CTNNA3: variants seen among roughly 807,000 people sequenced by gnomAD.
CTNNA3 encodes the protein catenin alpha 3, also known as catenin alpha-3.
Under a neutral mutation model 95.7 loss-of-function variants are expected in CTNNA3, and 76 were observed. The ratio of observed to expected loss-of-function variants is 0.79; its 90% CI spans 0.66 to 0.96. CTNNA3 has a LOEUF of 0.96. Among genes scored for constraint, CTNNA3 ranks in the 40% least tolerant of loss-of-function variants. CTNNA3 has a pLI of 0.00. For missense variants in CTNNA3, 1,191 were observed against 1,089.8 expected (o/e 1.09, Z -1.31); for synonymous variants, 431 against 374.4 (o/e 1.15, Z -1.74).
intron 7 of CTNNA3, among the ~76,000 whole-genome samples, chr10:66,875,076 G>A (rs184001754): frequency 9.9e-5 from 15 of 152,282 alleles, no homozygotes; most frequent in Admixed American, 9.8e-4. Flanking sequence ...ATCAGCAATC[G>A]ATTGCTAGAC....
chr10:67,663,409 G>C lies in CTNNA3; in HGVS notation c.-5-15891C>G, dbSNP rs890773557. 2.0e-5 allele frequency among the ~76,000 whole-genome samples: 3 copies of C among 151,628 alleles called. No homozygotes were observed. The South Asian group carries it at 6.3e-4, about 32-fold the overall frequency. ...AAAAAAAAAGCAATTGAATTGTTTT[G>C]TAGCTGGAGGCATGGGCAAGTGCGG... On this transcript the variant is annotated intron_variant, in intron 1 of 17. Transcript: ENST00000433211.
At chr10:66,206,862 C>T (rs1467732263) in intron 13 of CTNNA3, among the ~76,000 whole-genome samples, 1 of 151,882 alleles carries the variant, frequency 6.6e-6, no homozygotes, top group Non-Finnish European at 1.5e-5. Flanking sequence ...CTGCCTACCT[C>T]AACAGCCTGC....
intron 5 of CTNNA3, among the ~76,000 whole-genome samples, chr10:67,291,516 G>T (rs1839837382): frequency 6.6e-6 from 1 of 152,110 alleles, no homozygotes; most frequent in African/African-American, 2.4e-5. Flanking sequence ...TTTATTTTAA[G>T]TTCATCTTTT....
chr10:66,836,762 A>G (rs1842900570), intron 7 of CTNNA3, among the ~76,000 whole-genome samples: 1 of 152,180 alleles, frequency 6.6e-6, no homozygotes, highest in African/African-American at 2.4e-5. Flanking sequence ...AAAAGATGAA[A>G]GGAAAAAAAC....
At chr10:67,186,986 A>T (rs1319131863) in intron 6 of CTNNA3, among the ~76,000 whole-genome samples, 2 of 152,160 alleles carry the variant, frequency 1.3e-5, no homozygotes, top group African/African-American at 4.8e-5. Flanking sequence ...CATAGCTATA[A>T]ACAAATATAT....
At chr10:66,551,277 T>G (rs1181150799) in intron 10 of CTNNA3, among the ~76,000 whole-genome samples, 3 of 152,268 alleles carry the variant, frequency 2.0e-5, no homozygotes, top group Admixed American at 6.5e-5. Context: ...AAATGTTGTT[T>G]CCCTGTCTTC....
chr10:66,921,038 A>G (rs1846759031), intron 7 of CTNNA3, among the ~76,000 whole-genome samples: 1 of 152,224 alleles, frequency 6.6e-6, no homozygotes, highest in South Asian at 2.1e-4. Context: ...AAAATACTAT[A>G]TCCTGGGTGG....
At chr10:67,422,992 T>A (rs183492834) in intron 5 of CTNNA3, among the ~76,000 whole-genome samples, 2 of 152,312 alleles carry the variant, frequency 1.3e-5, no homozygotes. Context: ...TGATTTCCAA[T>A]ATACTCTTAG....
chr10:66,569,044 G>A (rs1244661881), intron 10 of CTNNA3, among the ~76,000 whole-genome samples: 1 of 151,994 alleles, frequency 6.6e-6, no homozygotes, highest in Non-Finnish European at 1.5e-5. Flanking sequence ...ATAAACTGTG[G>A]CTTTGTCAGG....
At chr10:66,223,779 G>T (rs927430172) in intron 13 of CTNNA3, among the ~76,000 whole-genome samples, 2 of 152,124 alleles carry the variant, frequency 1.3e-5, no homozygotes, top group Non-Finnish European at 2.9e-5. Context: ...TATTCTTTCT[G>T]GTTGTGTCTT....
At chr10:67,241,640 G>T (rs1348414469) in intron 5 of CTNNA3, among the ~76,000 whole-genome samples, 1 of 152,104 alleles carries the variant, frequency 6.6e-6, no homozygotes. Flanking sequence ...ATCAAATAGG[G>T]TCCAAAGCCC....
rs142053346 is a variant in CTNNA3 at position 67,614,116 on chromosome 10, G to A, written c.100-7067C>T. ...AGCTTTTATTCCCTTATTTGTCCCCGCCCATGTCCTGCTGATTGGTCCATT... is the reference window on the plus strand; with the variant it reads ...AGCTTTTATTCCCTTATTTGTCCCCACCCATGTCCTGCTGATTGGTCCATT... On this transcript the variant is annotated intron_variant, in intron 2 of 17. Coordinates refer to ENST00000433211, the MANE Select transcript of CTNNA3 (RefSeq NM_013266.4). Among the ~76,000 whole-genome samples, 70 of 152,190 alleles carry A rather than the reference G, an allele frequency of 4.6e-4. No individual in the cohort carries two copies. In the South Asian group the frequency reaches 7.1e-3, roughly 15 times the overall value.
At chr10:66,300,207 T>A (rs2091841207) in intron 12 of CTNNA3, among the ~76,000 whole-genome samples, 1 of 151,996 alleles carries the variant, frequency 6.6e-6, no homozygotes, top group Admixed American at 6.6e-5. Context: ...TGAGGAAAAA[T>A]TTTTTAAAAT....
chr10:66,516,332 C>CACTCAGTAT (rs1169717783), intron 11 of CTNNA3, among the ~76,000 whole-genome samples: 4 of 152,070 alleles, frequency 2.6e-5, no homozygotes, highest in Non-Finnish European at 5.9e-5. Context: ...CAGTGGAAAC[C>CACTCAGTAT]ACTCAGTATT....
chr10:66,011,087 C>T (rs544196726), intron 15 of CTNNA3, among the ~76,000 whole-genome samples: 1 of 152,314 alleles, frequency 6.6e-6, no homozygotes, highest in African/African-American at 2.4e-5. Flanking sequence ...AATCCTACCT[C>T]ATCCCTCACT....
At chr10:66,805,422 A>G (rs1392424490) in intron 7 of CTNNA3, among the ~76,000 whole-genome samples, 3 of 151,132 alleles carry the variant, frequency 2.0e-5, no homozygotes, top group African/African-American at 7.3e-5. Flanking sequence ...TTGTTTGAAG[A>G]CTGAATTAAT....
At chr10:67,065,958 C>G (rs1013141224) in intron 7 of CTNNA3, among the ~76,000 whole-genome samples, 1 of 151,876 alleles carries the variant, frequency 6.6e-6, no homozygotes, top group African/African-American at 2.4e-5. Context: ...AAATATGCCA[C>G]CAAGTATACA....
At chr10:67,693,924 C>G (rs1182085940) in intron 1 of CTNNA3, among the ~76,000 whole-genome samples, 1 of 152,208 alleles carries the variant, frequency 6.6e-6, no homozygotes, top group African/African-American at 2.4e-5. Flanking sequence ...AAACCCAATA[C>G]TGAATTGCTC....
At chr10:66,735,566 T>G (rs1849106802) in intron 9 of CTNNA3, among the ~76,000 whole-genome samples, 1 of 152,060 alleles carries the variant, frequency 6.6e-6, no homozygotes, top group Admixed American at 6.6e-5. Flanking sequence ...TATAACTTTA[T>G]ATATATTTAC....
Sources: gnomAD v4.1 joint callset for allele counts (sites outside exome capture counted in the v4.1 genomes callset) on GRCh38, gnomAD v4.1.1 for gene constraint, MANE v1.5 for transcripts, NCBI Gene and HGNC (gene_info 2026-07-23, HGNC 2026-07-21) for gene names.